The following JAK1 variants were observed in gnomAD, a reference collection of about 807,000 sequenced individuals.
JAK1 encodes tyrosine-protein kinase JAK1.
Under a neutral mutation model 136.6 loss-of-function variants are expected in JAK1, and 16 were observed. The observed-to-expected ratio is 0.12, with a 90% CI of 0.08 to 0.18. The LOEUF (loss-of-function observed/expected upper bound fraction) is 0.18. Ranked by LOEUF, JAK1 falls within the 10% of genes least tolerant of loss-of-function variation. The pLI, the probability that JAK1 is intolerant of heterozygous loss-of-function variation, is 1.00. For synonymous variants in JAK1, 492 were observed against 519.5 expected, an observed-to-expected ratio of 0.95 and a Z score of 0.72; for missense variants, 859 against 1,450.1, an observed-to-expected ratio of 0.59 and a Z score of 6.62.
intron 4 of JAK1, among the ~76,000 whole-genome samples, chr1:64,876,853 C>T (rs896453501): frequency 2.6e-5 from 4 of 152,160 alleles, no homozygotes; most frequent in East Asian, 1.9e-4. Flanking sequence ...ATCAGAGCTA[C>T]GCACTGCAAG....
chr1:64,910,120 C>T (rs147396140), intron 1 of JAK1, among the ~76,000 whole-genome samples: 213 of 152,204 alleles, frequency 1.4e-3, no homozygotes, highest in Middle Eastern at 3.4e-3. Context: ...TCTTTATATT[C>T]GTTATTTATT....
chr1:64,857,608 G>T (rs1448794691), intron 10 of JAK1, 48 bp downstream of exon 10: 2 of 1,610,024 alleles, frequency 1.2e-6, no homozygotes, highest in Admixed American at 1.7e-5. Context: ...GGCTACACTG[G>T]ACACCTCATG....
intron 1 of JAK1, among the ~76,000 whole-genome samples, chr1:65,065,087 G>T (rs1011908266): frequency 6.6e-6 from 1 of 152,126 alleles, no homozygotes; most frequent in Non-Finnish European, 1.5e-5. Context: ...TCCTGCAGCT[G>T]ATTTAAAAGT....
upstream of JAK1, among the ~76,000 whole-genome samples, chr1:64,967,060 G>GA (rs202230651): frequency 0.083 from 11,631 of 139,940 alleles, 521 homozygotes; most frequent in South Asian, 0.11. Flanking sequence ...AGCTCTTTAC[G>GA]AAAAAAAAAA....
intron 2 of JAK1, among the ~76,000 whole-genome samples, chr1:65,001,591 A>C (rs963635569): frequency 2.7e-5 from 4 of 149,156 alleles, no homozygotes; most frequent in African/African-American, 9.9e-5. Context: ...AAGAGGTAGC[A>C]AGTGTGTTTG....
At chr1:64,923,115 T>C (rs1030457896) in intron 1 of JAK1, among the ~76,000 whole-genome samples, 1 of 152,184 alleles carries the variant, frequency 6.6e-6, no homozygotes, top group African/African-American at 2.4e-5. Flanking sequence ...TTCTACTTAC[T>C]ACCCTTCAAG....
chr1:64,969,488 G>C (rs951430514), upstream of JAK1, among the ~76,000 whole-genome samples: 1 of 151,468 alleles, frequency 6.6e-6, no homozygotes, highest in Non-Finnish European at 1.5e-5. Context: ...CCCCTGGGGT[G>C]CAAAATCACA....
intron 24 of JAK1, 147 bp from the exon 25 acceptor site, chr1:64,834,804 A>AAACTATT (rs1654367846): frequency 8.4e-6 from 5 of 592,736 alleles, no homozygotes; most frequent in Admixed American, 6.0e-5. Context: ...TGAATAGTTT[A>AAACTATT]AAACACAGAA....
intron 1 of JAK1, chr1:65,067,553 G>C (rs1473939988): frequency 6.9e-6 from 1 of 145,586 alleles, no homozygotes; most frequent in Non-Finnish European, 1.5e-5. Context: ...GCGGGCGCTC[G>C]GCCCCGCGCG....
chr1:65,016,525 G>A (rs1423962204), intron 2 of JAK1, among the ~76,000 whole-genome samples: 1 of 152,172 alleles, frequency 6.6e-6, no homozygotes, highest in Non-Finnish European at 1.5e-5. Context: ...CGGAGGCTAA[G>A]GTAGGAGGAT....
chr1:64,902,579 A>AGTGTGTGTGTGT (rs1456324925), intron 1 of JAK1, among the ~76,000 whole-genome samples: 1 of 23,852 alleles, frequency 4.2e-5, no homozygotes, highest in African/African-American at 8.5e-5. Flanking sequence ...AGAGAGAGAG[A>AGTGTGTGTGTGT]GAGAGTGTGT....
intron 1 of JAK1, among the ~76,000 whole-genome samples, chr1:65,046,289 C>T (rs547541086): frequency 6.6e-6 from 1 of 152,172 alleles, no homozygotes; most frequent in South Asian, 2.1e-4. Flanking sequence ...CTCCCAATAC[C>T]CCACCTGCAG....
chr1:64,989,652 A>T (rs1241475275), intron 2 of JAK1: 2 of 152,158 alleles, frequency 1.3e-5, no homozygotes, highest in Non-Finnish European at 2.9e-5. Context: ...AATCATCATA[A>T]GGTAGAAGAA....
chr1:64,864,907 C>T lies in JAK1; in HGVS notation c.1056G>A (p.Lys352=). 1.9e-6 allele frequency: 3 copies of T among 1,613,902 alleles called. No homozygotes were observed. Among genetic ancestry groups the T allele is most frequent in the Non-Finnish European group, 2.5e-6 (3 of 1,179,890 alleles). ...CCCGGATCTTGTTTTTCTCCTCATC[C>T]TTCTTGTGTTTATTTTCCAGTTTTT... ...KRKKLENKHK[K]DEEKNKIREE... The change falls in exon 8 of 25, where the codon AAG becomes AAA. Residue 352 remains lysine (K), a synonymous_variant. Transcript: ENST00000342505.
At chr1:64,862,520 C>T (rs919026374) in intron 8 of JAK1, among the ~76,000 whole-genome samples, 10 of 152,354 alleles carry the variant, frequency 6.6e-5, no homozygotes, top group Middle Eastern at 3.4e-3. Flanking sequence ...TCTTCCTGCC[C>T]TCCTCCTGCT....
chr1:64,950,276 C>T (rs1351495513), intron 1 of JAK1, among the ~76,000 whole-genome samples: 1 of 151,842 alleles, frequency 6.6e-6, no homozygotes, highest in Admixed American at 6.6e-5. Flanking sequence ...GGCGTGGTGG[C>T]GGGCGCCTGT....
chr1:65,057,045 C>A (rs1647578016), intron 1 of JAK1, among the ~76,000 whole-genome samples: 1 of 151,938 alleles, frequency 6.6e-6, no homozygotes, highest in Non-Finnish European at 1.5e-5. Context: ...TTTGCTCAAG[C>A]ATATGGGTCA....
At chr1:64,897,144 G>A (rs887321168) in intron 1 of JAK1, among the ~76,000 whole-genome samples, 1 of 151,846 alleles carries the variant, frequency 6.6e-6, no homozygotes, top group Non-Finnish European at 1.5e-5. Context: ...AAGAAGGAAA[G>A]TGGGGTTGGG....
chr1:65,038,893 C>T (rs1647101980), intron 2 of JAK1, among the ~76,000 whole-genome samples: 1 of 152,000 alleles, frequency 6.6e-6, no homozygotes, highest in Non-Finnish European at 1.5e-5. Flanking sequence ...CCACCTTGGC[C>T]TCCCAAAGTG....
Sources: gnomAD v4.1 joint callset for allele counts (sites outside exome capture counted in the v4.1 genomes callset) on GRCh38, gnomAD v4.1.1 for gene constraint, MANE v1.5 for transcripts, NCBI Gene and HGNC (gene_info 2026-07-23, HGNC 2026-07-21) for gene names.